Variants in MTFR1 observed in about 807,000 individuals in gnomAD.
The protein encoded by MTFR1 is mitochondrial fission regulator 1, also known as chondrocyte protein with a poly-proline region.
Under a neutral mutation model 38.8 loss-of-function variants are expected in MTFR1, and 28 were observed. The observed-to-expected ratio is 0.72, with a 90% confidence interval of 0.53 to 0.99. The LOEUF is 0.99. Among genes scored for constraint, MTFR1 ranks in the 50% least tolerant of loss-of-function variants. MTFR1 has a pLI of 0.00. For missense variants in MTFR1, 358 were observed against 395.5 expected, an observed-to-expected ratio of 0.91 and a Z score of 0.81; for synonymous variants, 145 against 137.0, an observed-to-expected ratio of 1.06 and a Z score of -0.41.
intron 2 of MTFR1, among the ~76,000 whole-genome samples, chr8:65,673,914 A>T (rs1563442035): frequency 6.6e-6 from 1 of 152,196 alleles, no homozygotes; most frequent in Non-Finnish European, 1.5e-5. Context: ...TCAAAAAAAA[A>T]ATAGTAATGC....
intron 3 of MTFR1, among the ~76,000 whole-genome samples, chr8:65,689,305 T>C (rs1221855481): frequency 1.3e-5 from 2 of 152,254 alleles, no homozygotes; most frequent in African/African-American, 4.8e-5. Flanking sequence ...ATGAAGTTAG[T>C]ACTTCTAACA....
intron 1 of MTFR1, among the ~76,000 whole-genome samples, chr8:65,662,471 G>T (rs924801210): frequency 6.7e-6 from 1 of 150,354 alleles, no homozygotes; most frequent in Non-Finnish European, 1.5e-5. Flanking sequence ...CCAGCTGCCT[G>T]CCTTGGCCCC....
Position 65,766,032 on chromosome 8 carries a change from G to A in MTFR1, c.*49-4915G>A, listed in dbSNP as rs567917462. On this transcript the variant is annotated intron_variant, in intron 3 of 3. Transcript: ENST00000521247. ...ACTATCTCAACTCACTGCAACCTCC[G>A]CCTCTTGGGTTCATGCCATTCTCCT... Among the ~76,000 whole-genome samples the A allele has an allele frequency of 1.8e-4, 27 of 152,222 alleles. No individual in the cohort carries two copies. In the East Asian group the frequency reaches 4.6e-3, roughly 26 times the overall value.
intron 3 of MTFR1, among the ~76,000 whole-genome samples, chr8:65,757,140 T>C (rs1808271403): frequency 6.6e-6 from 1 of 152,132 alleles, no homozygotes; most frequent in African/African-American, 2.4e-5. Flanking sequence ...AGACTCTCTC[T>C]GGGGAAGGTC....
At chr8:65,698,863 G>A (rs1356959604) in intron 4 of MTFR1, among the ~76,000 whole-genome samples, 5 of 152,012 alleles carry the variant, frequency 3.3e-5, no homozygotes, top group Non-Finnish European at 7.4e-5. Flanking sequence ...CAAGCAGCTG[G>A]GATTACAGGC....
At chr8:65,770,341 A>T (rs1809024098) in intron 3 of MTFR1, among the ~76,000 whole-genome samples, 1 of 152,240 alleles carries the variant, frequency 6.6e-6, no homozygotes, top group Non-Finnish European at 1.5e-5. Context: ...AGGCCTCATA[A>T]TCAGGGCAGA....
At chr8:65,739,932 A>AGT (rs1485175633) in intron 3 of MTFR1, among the ~76,000 whole-genome samples, 1 of 152,206 alleles carries the variant, frequency 6.6e-6, no homozygotes, top group Non-Finnish European at 1.5e-5. Context: ...AACCTAACTC[A>AGT]GTGTGGCTGC....
chr8:65,693,051 G>A (rs762442392), intron 3 of MTFR1, among the ~76,000 whole-genome samples: 2 of 151,760 alleles, frequency 1.3e-5, no homozygotes, highest in South Asian at 2.1e-4. Flanking sequence ...AGAAAAAAGT[G>A]GTTTCTCATG....
At chr8:65,658,285 A>G (rs1247356857) in intron 1 of MTFR1, among the ~76,000 whole-genome samples, 5 of 152,214 alleles carry the variant, frequency 3.3e-5, no homozygotes, top group Admixed American at 1.3e-4. Flanking sequence ...TAACAGAGTT[A>G]TTATGAAACT....
chr8:65,656,265 C>T (rs895014407), intron 1 of MTFR1, among the ~76,000 whole-genome samples: 3 of 151,680 alleles, frequency 2.0e-5, no homozygotes, highest in Admixed American at 6.6e-5. Context: ...AGGAAAGTAG[C>T]GTTTACACCA....
At chr8:65,686,626 A>C (rs1471773602) in intron 3 of MTFR1, among the ~76,000 whole-genome samples, 1 of 147,546 alleles carries the variant, frequency 6.8e-6, no homozygotes, top group Non-Finnish European at 1.5e-5. Flanking sequence ...TAGTTTTGAG[A>C]CTAACTGAGT....
chr8:65,723,476 AT>A, intron 3 of MTFR1: 1 of 1,306,806 alleles, frequency 7.7e-7, no homozygotes, highest in Non-Finnish European at 1.0e-6. Flanking sequence ...TTTCAAATAT[AT>A]TTCCCTTCTT....
chr8:65,676,691 A>G (rs1804716698), intron 2 of MTFR1, among the ~76,000 whole-genome samples: 1 of 152,114 alleles, frequency 6.6e-6, no homozygotes, highest in Non-Finnish European at 1.5e-5. Context: ...TTAGAGTTAA[A>G]TTTATAGTTT....
At position 65,709,072 on chromosome 8, in the gene MTFR1, G is replaced by C; in HGVS notation, c.*28G>C. The C allele has an allele frequency of 6.2e-7, 1 of 1,609,024 alleles. No homozygotes were observed. Among genetic ancestry groups the C allele is most frequent in the Non-Finnish European group, 8.5e-7 (1 of 1,175,510 alleles). On this transcript the variant is annotated 3_prime_UTR_variant, in exon 8 of 8. Transcript: ENST00000262146. ...GACAATGAGCTGCGAAAAGACTCCTGGTTCCCCTGTTGATTTGTGAGGGCC... is the reference window on the plus strand; with the variant it reads ...GACAATGAGCTGCGAAAAGACTCCTCGTTCCCCTGTTGATTTGTGAGGGCC...
intron 3 of MTFR1, chr8:65,723,446 C>A: frequency 2.6e-6 from 3 of 1,140,332 alleles, no homozygotes; most frequent in Non-Finnish European, 3.4e-6. Flanking sequence ...TAGAAATGAG[C>A]ATAATTTTAA....
intron 1 of MTFR1, among the ~76,000 whole-genome samples, chr8:65,662,013 CT>C (rs1809430027): frequency 1.4e-5 from 2 of 141,618 alleles, no homozygotes; most frequent in Non-Finnish European, 1.5e-5. Context: ...CTCTCCCTCT[CT>C]CTCTCCCTCT....
chr8:65,763,039 A>G (rs902991568), intron 3 of MTFR1, among the ~76,000 whole-genome samples: 2 of 148,112 alleles, frequency 1.4e-5, no homozygotes, highest in African/African-American at 2.5e-5. Context: ...GTGTGTGTGT[A>G]TAAAATGAAT....
At chr8:65,725,061 C>G in intron 3 of MTFR1, 1 of 473,854 alleles carries the variant, frequency 2.1e-6, no homozygotes, top group Non-Finnish European at 3.5e-6. Flanking sequence ...ATTTATCACA[C>G]AAAAAATGAG....
chr8:65,727,242 A>G (rs1242726640), intron 3 of MTFR1: 1 of 1,613,850 alleles, frequency 6.2e-7, no homozygotes, highest in Non-Finnish European at 8.5e-7. Flanking sequence ...GATCCAGATC[A>G]TGAGTGGCAG....
Sources: allele counts gnomAD v4.1 joint callset (sites outside exome capture counted in the v4.1 genomes callset), GRCh38; gene constraint gnomAD v4.1.1; transcripts MANE v1.5; gene names NCBI Gene and HGNC (gene_info 2026-07-23, HGNC 2026-07-21).